PCDHA11: variants seen among roughly 807,000 people sequenced by gnomAD.
PCDHA11 encodes protocadherin alpha 11.
PCDHA11 carries 61 observed loss-of-function variants against 70.3 expected under a neutral mutation model. That is an observed-to-expected ratio of 0.87 (90% CI 0.71 to 1.07). The LOEUF is 1.07. Among genes scored for constraint, PCDHA11 ranks in the 50% least tolerant of loss-of-function variants. The pLI is 0.00. For missense variants in PCDHA11, 1,324 were observed against 1,237.5 expected (o/e 1.07, Z -1.05); for synonymous variants, 633 against 555.1 (o/e 1.14, Z -1.97).
chr5:140,873,432 T>A (rs992972839), intron 1 of PCDHA11, among the ~76,000 whole-genome samples: 5 of 152,212 alleles, frequency 3.3e-5, no homozygotes, highest in African/African-American at 7.2e-5. Flanking sequence ...TTATTTTATA[T>A]CACATAAATA....
chr5:140,967,017 C>T, intron 1 of PCDHA11: 1 of 1,606,892 alleles, frequency 6.2e-7, no homozygotes, highest in Non-Finnish European at 8.5e-7. Context: ...CATCTGGGTG[C>T]GCCCAGTCCG....
At chr5:140,937,009 C>A (rs1409113092) in intron 1 of PCDHA11, among the ~76,000 whole-genome samples, 11 of 151,930 alleles carry the variant, frequency 7.2e-5, no homozygotes, top group African/African-American at 1.9e-4. Context: ...AGACAGACAA[C>A]CGATTAACAA....
At chr5:140,882,907 A>T (rs11744560) in intron 1 of PCDHA11, 226,049 of 1,614,134 alleles carry the variant, frequency 0.14, 16,618 homozygotes, top group Middle Eastern at 0.18. Context: ...TATTACTGAC[A>T]GCCAGTGATG....
At chr5:140,888,752 C>A (rs782384703) in intron 1 of PCDHA11, among the ~76,000 whole-genome samples, 44 of 151,842 alleles carry the variant, frequency 2.9e-4, no homozygotes, top group Non-Finnish European at 5.7e-4. Context: ...TTATTCTACC[C>A]ACTTTTTTTT....
intron 1 of PCDHA11, among the ~76,000 whole-genome samples, chr5:140,910,278 A>G (rs1261965132): frequency 6.6e-6 from 1 of 151,132 alleles, no homozygotes; most frequent in Non-Finnish European, 1.5e-5. Flanking sequence ...TTCTAGGAAC[A>G]CCATGATTAA....
At chr5:140,980,849 C>A (rs2096908252) in intron 2 of PCDHA11, among the ~76,000 whole-genome samples, 1 of 152,068 alleles carries the variant, frequency 6.6e-6, no homozygotes, top group Admixed American at 6.6e-5. Context: ...TAATACTAAT[C>A]TTTTTCGTAT....
chr5:140,884,535 C>T (rs142468733), intron 1 of PCDHA11: 2 of 1,613,918 alleles, frequency 1.2e-6, no homozygotes, highest in African/African-American at 1.3e-5. Flanking sequence ...CAGAGGCGGC[C>T]GAGGGTGTGC....
chr5:140,946,609 G>GAA, intron 1 of PCDHA11, among the ~76,000 whole-genome samples: 1 of 68,674 alleles, frequency 1.5e-5, no homozygotes, highest in Non-Finnish European at 2.7e-5. Flanking sequence ...AAGAAAATGT[G>GAA]AAATATATAT....
At chr5:140,944,003 C>T (rs1185007409) in intron 1 of PCDHA11, among the ~76,000 whole-genome samples, 1 of 152,038 alleles carries the variant, frequency 6.6e-6, no homozygotes, top group Admixed American at 6.6e-5. Flanking sequence ...CTACTGAGTA[C>T]CCCCCAAAAG....
At chr5:140,883,483 C>T (rs1554178423) in intron 1 of PCDHA11, 2 of 1,614,078 alleles carry the variant, frequency 1.2e-6, no homozygotes, top group African/African-American at 2.7e-5. Flanking sequence ...AGAACTACTA[C>T]TCATTAGTGC....
intron 1 of PCDHA11, among the ~76,000 whole-genome samples, chr5:140,932,809 CAT>C (rs782729907): frequency 3.3e-5 from 5 of 151,746 alleles, no homozygotes; most frequent in Admixed American, 6.6e-5. Flanking sequence ...ACCTTGGAAA[CAT>C]ATAAGTGGGA....
At position 141,010,166 on chromosome 5, in the gene PCDHA11, A is replaced by T; in HGVS notation, c.*229A>T. 1 of 1,562,828 alleles carries T rather than the reference A, an allele frequency of 6.4e-7. No individual in the cohort carries two copies. On this transcript the variant is annotated 3_prime_UTR_variant, in exon 4 of 4. Coordinates refer to ENST00000398640, the MANE Select transcript of PCDHA11 (RefSeq NM_018902.5). ...TCTCTCCACTCTGGCTTGTTTTCAG[A>T]ACCTAAAAAGCAGACCCAAGTTTCC... is the stretch of plus-strand genomic sequence containing the variant.
intron 1 of PCDHA11, chr5:140,966,920 C>G: frequency 6.2e-7 from 1 of 1,602,674 alleles, no homozygotes; most frequent in Non-Finnish European, 8.5e-7. Flanking sequence ...GCCAGAGGAG[C>G]AGGCACCCGG....
At chr5:140,881,330 G>A (rs2153378633) in intron 1 of PCDHA11, 1 of 984,626 alleles carries the variant, frequency 1.0e-6, no homozygotes, top group Non-Finnish European at 1.2e-6. Context: ...ATTTAACCAG[G>A]ACGCCGATTC....
intron 1 of PCDHA11, chr5:140,968,908 A>G: frequency 6.2e-7 from 1 of 1,614,182 alleles, no homozygotes; most frequent in Non-Finnish European, 8.5e-7. Context: ...CATTAAGCAC[A>G]GTGTCTTTTA....
intron 1 of PCDHA11, among the ~76,000 whole-genome samples, chr5:140,955,262 C>T (rs1473601347): frequency 1.3e-5 from 2 of 152,044 alleles, no homozygotes; most frequent in African/African-American, 4.8e-5. Flanking sequence ...TATAAAGGCT[C>T]TTTTTTGGTT....
At chr5:141,003,245 A>T (rs1554258962) in intron 3 of PCDHA11, among the ~76,000 whole-genome samples, 1 of 152,216 alleles carries the variant, frequency 6.6e-6, no homozygotes, top group African/African-American at 2.4e-5. Context: ...TTTGCCAAAA[A>T]GATTCCTGGG....
At chr5:140,929,376 G>C in intron 1 of PCDHA11, 1 of 1,513,958 alleles carries the variant, frequency 6.6e-7, no homozygotes, top group Non-Finnish European at 8.8e-7. Flanking sequence ...ATGGCTGCTA[G>C]CTGTGTTTTG....
intron 1 of PCDHA11, among the ~76,000 whole-genome samples, chr5:140,953,746 A>G (rs2094931124): frequency 6.6e-6 from 1 of 152,016 alleles, no homozygotes; most frequent in African/African-American, 2.4e-5. Context: ...TTAACATTAC[A>G]TTTATCCAAG....
Sources: gnomAD v4.1 joint callset for allele counts (sites outside exome capture counted in the v4.1 genomes callset) on GRCh38, gnomAD v4.1.1 for gene constraint, MANE v1.5 for transcripts, NCBI Gene and HGNC (gene_info 2026-07-23, HGNC 2026-07-21) for gene names.